The following NUS1 variants were observed in gnomAD, a reference collection of about 807,000 sequenced individuals.
NUS1 encodes dehydrodolichyl diphosphate synthase complex subunit NUS1.
For missense variants in NUS1, 292 were observed against 382.9 expected, an observed-to-expected ratio of 0.76 and a Z score of 1.98; for synonymous variants, 135 against 155.2, an observed-to-expected ratio of 0.87 and a Z score of 0.97.
intron 3 of NUS1, among the ~76,000 whole-genome samples, chr6:117,697,683 G>A (rs1773340679): frequency 6.6e-6 from 1 of 151,218 alleles, no homozygotes; most frequent in African/African-American, 2.4e-5. Flanking sequence ...GCTAAAGAAA[G>A]AGAGAGAGAG....
At chr6:117,703,930 G>A (rs1021640204) in intron 4 of NUS1, among the ~76,000 whole-genome samples, 1 of 152,184 alleles carries the variant, frequency 6.6e-6, no homozygotes, top group African/African-American at 2.4e-5. Context: ...TACCTTAGGA[G>A]ATCAGGAGTG....
At chr6:117,676,872 CTG>C (rs1404013519) in intron 1 of NUS1, among the ~76,000 whole-genome samples, 1 of 152,128 alleles carries the variant, frequency 6.6e-6, no homozygotes, top group Non-Finnish European at 1.5e-5. Context: ...TAGGCATGGG[CTG>C]TGTGATAGGT....
At chr6:117,706,840 C>T (rs1773507718) in intron 4 of NUS1, 85 bp from the exon 5 acceptor site, 2 of 1,062,086 alleles carry the variant, frequency 1.9e-6, no homozygotes, top group African/African-American at 1.6e-5. Flanking sequence ...CTATTCTTAA[C>T]TTCTTTTTGG....
Position 117,675,765 on chromosome 6 carries a change from C to A in NUS1, c.95C>A (p.Thr32Asn). The A allele has an allele frequency of 1.3e-6, 2 of 1,558,190 alleles. No homozygotes were observed. The highest frequency in any genetic ancestry group is 2.4e-5 in the East Asian group (1 of 42,120). The change falls in exon 1 of 5, where the codon ACC becomes AAC. Residue 32 changes from threonine (T) to asparagine (N), a missense_variant. Thr to Asn is a moderately conservative substitution (Grantham distance 65). Coordinates refer to ENST00000368494, the MANE Select transcript of NUS1 (RefSeq NM_138459.5). The stretch of plus-strand genomic sequence containing the variant: ...TCCTGGCTCCGCGTTCGGTTCGGCA[C>A]CTGGAACTGGATCTGGCGGCGCTGC... ...LTSWLRVRFGTWNWIWRRCCR... is the reference protein window; with the variant it reads ...LTSWLRVRFGNWNWIWRRCCR...
chr6:117,697,494 G>A (rs754408316), intron 3 of NUS1, among the ~76,000 whole-genome samples: 1 of 151,988 alleles, frequency 6.6e-6, no homozygotes, highest in African/African-American at 2.4e-5. Flanking sequence ...CCCAAAAAGA[G>A]CAGGAGTTAC....
chr6:117,692,574 T>G (rs1773238511), intron 1 of NUS1, among the ~76,000 whole-genome samples: 1 of 152,248 alleles, frequency 6.6e-6, no homozygotes, highest in South Asian at 2.1e-4. Context: ...TACTTCCTCT[T>G]ATGATTTAAA....
At chr6:117,700,185 A>C (rs931592665) in intron 3 of NUS1, among the ~76,000 whole-genome samples, 3 of 152,166 alleles carry the variant, frequency 2.0e-5, no homozygotes, top group African/African-American at 7.2e-5. Context: ...CAAAGGAAAC[A>C]ATCAGCAAAG....
rs1773524304 is a variant in NUS1 at position 117,707,963 on chromosome 6, A to T, written c.*948A>T. On this transcript the variant is annotated 3_prime_UTR_variant, in exon 5 of 5. Coordinates refer to ENST00000368494, the MANE Select transcript of NUS1 (RefSeq NM_138459.5). The stretch of plus-strand genomic sequence containing the variant: ...GCCATATTATACCCAAAGTTCTTTT[A>T]AAAAATATTTCCATCAACCATTTTT... 2.0e-5 allele frequency: 3 copies of T among 152,244 alleles called. No homozygotes were observed. The highest frequency in any genetic ancestry group is 4.1e-4 in the South Asian group (2 of 4,822). The allele number at this position is 152,244 out of a possible 1,614,324, so 9.4% of individuals were successfully genotyped here.
Position 117,675,893 on chromosome 6 carries a change from G to T in NUS1, c.223G>T (p.Gly75Trp). ...CCGTCACCACCGGCACCCGCGCGGG[G>T]GGTCGTGCCTGGCAGCCGCACACCA... ...NRRHHRHPRGGSCLAAAHHRM... is the reference protein window; with the variant it reads ...NRRHHRHPRGWSCLAAAHHRM... The change falls in exon 1 of 5, where the codon GGG becomes TGG. Residue 75 changes from glycine to tryptophan, a missense_variant. Coordinates refer to ENST00000368494, the MANE Select transcript of NUS1 (RefSeq NM_138459.5). 3 of 1,537,196 alleles carry T rather than the reference G, an allele frequency of 2.0e-6. No individual in the cohort carries two copies. In the South Asian group the frequency reaches 3.6e-5, roughly 19 times the overall value.
chr6:117,682,369 A>C (rs1433947043), intron 1 of NUS1, among the ~76,000 whole-genome samples: 2 of 152,078 alleles, frequency 1.3e-5, no homozygotes, highest in Non-Finnish European at 2.9e-5. Flanking sequence ...GGAGGCTGAC[A>C]TGGGAGGATT....
intron 3 of NUS1, among the ~76,000 whole-genome samples, chr6:117,700,408 A>G (rs36054472): frequency 0.023 from 3,482 of 152,346 alleles, 49 homozygotes; most frequent in Non-Finnish European, 0.033. Flanking sequence ...ATCACTGATC[A>G]TTGGAGAAAT....
intron 2 of NUS1, 109 bp from the exon 3 acceptor site, chr6:117,693,922 G>C (rs983064399): frequency 4.9e-6 from 6 of 1,223,778 alleles, no homozygotes; most frequent in Non-Finnish European, 6.7e-6. Context: ...CTTGTTTACT[G>C]TAAGAACTGT....
At chr6:117,681,563 A>G (rs541678159) in intron 1 of NUS1, among the ~76,000 whole-genome samples, 1 of 152,270 alleles carries the variant, frequency 6.6e-6, no homozygotes, top group South Asian at 2.1e-4. Context: ...GAGAAGTATG[A>G]TTTTCTTAAG....
At chr6:117,697,148 A>T (rs1300736130) in intron 3 of NUS1, among the ~76,000 whole-genome samples, 2 of 152,136 alleles carry the variant, frequency 1.3e-5, no homozygotes, top group African/African-American at 4.8e-5. Flanking sequence ...CTCCAATCAA[A>T]AAACATACAA....
rs569618836 is a variant in NUS1, at chr6:117,709,918, T to A, written c.*2903T>A. The A allele has an allele frequency of 4.5e-4, 68 of 152,658 alleles. No individual in the cohort carries two copies. The highest frequency in any genetic ancestry group is 1.6e-3 in the African/African-American group (66 of 41,586). The allele number at this position is 152,658 out of a possible 1,614,324, so 9.5% of individuals were successfully genotyped here. A position where few individuals can be genotyped will look rare whatever the true frequency, so the allele number is the denominator to read the frequency against. On this transcript the variant is annotated 3_prime_UTR_variant, in exon 5 of 5. Transcript: ENST00000368494. ...GACTAGATAGCAATAGTGTTTTTTT[T>A]AGATGGTATGCTCTTGATTGAAATA...
intron 1 of NUS1, among the ~76,000 whole-genome samples, chr6:117,682,804 C>T (rs12528212): frequency 0.052 from 7,972 of 152,126 alleles, 494 homozygotes; most frequent in East Asian, 0.27. Context: ...TGTGCTTAAC[C>T]GTTACATTAT....
chr6:117,689,107 A>T (rs1773180442), intron 1 of NUS1, among the ~76,000 whole-genome samples: 2 of 152,212 alleles, frequency 1.3e-5, no homozygotes, highest in Admixed American at 1.3e-4. Flanking sequence ...TACGTGTTGA[A>T]TCAGGAAGAG....
At chr6:117,701,495 C>T (rs938918225) in intron 3 of NUS1, among the ~76,000 whole-genome samples, 2 of 152,086 alleles carry the variant, frequency 1.3e-5, no homozygotes, top group Non-Finnish European at 2.9e-5. Flanking sequence ...CCACCTGCCT[C>T]GGCCTCCCAA....
chr6:117,693,147 G>A lies in NUS1; in HGVS notation c.521G>A (p.Ser174Asn). 2 of 1,612,704 alleles carry A rather than the reference G, an allele frequency of 1.2e-6. No individual in the cohort carries two copies. Among genetic ancestry groups the A allele is most frequent in the South Asian group, 1.1e-5 (1 of 90,972 alleles). Residue 174 changes from serine to asparagine, a missense_variant, in exon 2 of 5, where the codon AGT becomes AAT. Ser to Asn is a conservative substitution (Grantham distance 46). Transcript: ENST00000368494. ...AAATACTCACCAGAATTTGCAAATA[G>A]TAATGACAAAGATGATCAAGGTAAG... ...CSKYSPEFAN[S>N]NDKDDQVLNC...
Sources: allele counts gnomAD v4.1 joint callset (sites outside exome capture counted in the v4.1 genomes callset), GRCh38; gene constraint gnomAD v4.1.1; transcripts MANE v1.5; gene names NCBI Gene and HGNC (gene_info 2026-07-23, HGNC 2026-07-21).